Variants in FRMD8 observed in about 807,000 individuals in gnomAD.
The protein encoded by FRMD8 is FERM domain-containing protein 8.
Under a neutral mutation model 54.2 loss-of-function variants are expected in FRMD8, and 37 were observed. The ratio of observed to expected loss-of-function variants is 0.68; its 90% CI spans 0.53 to 0.90. The LOEUF (loss-of-function observed/expected upper bound fraction) is 0.90. FRMD8 is among the 40% of genes least tolerant of loss of function. FRMD8 has a pLI of 0.00. For synonymous variants in FRMD8, 246 were observed against 286.9 expected (o/e 0.86, Z 1.44); for missense variants, 585 against 653.7 (o/e 0.89, Z 1.15).
In FRMD8 at chr11:65,404,578, CCTGCTTCTGCCCAT is replaced by C. The variant is rs1856150315; in HGVS notation, c.1072-285_1072-272del. On this transcript the variant is annotated intron_variant, in intron 9 of 10. Transcript: ENST00000317568. The surrounding 1 kb of genome is among the most constrained non-coding windows in gnomAD (Gnocchi z 4.7). ...TGGCTCCCTACCCCCTCCCTCCCCA[CCTGCTTCTGCCCAT>C]GGAGTCAGCCTTCCTGGGCTGTGCC... 6.6e-6 allele frequency among the ~76,000 whole-genome samples: 1 copy of C among 151,790 alleles called. No homozygotes were observed. Among genetic ancestry groups the C allele is most frequent in the Non-Finnish European group, 1.5e-5 (1 of 67,930 alleles).
the FRMD8 span, chr11:65,380,315 A>C: frequency 3.1e-6 from 4 of 1,287,816 alleles, no homozygotes; most frequent in Non-Finnish European, 4.4e-6. Context: ...CCTTCCTGCC[A>C]AGCTCTAGAG....
intron 10 of FRMD8, among the ~76,000 whole-genome samples, chr11:65,410,653 C>T (rs1406182932): frequency 1.3e-5 from 2 of 150,536 alleles, no homozygotes; most frequent in East Asian, 1.9e-4. Flanking sequence ...AGCTGGGCGC[C>T]GTGGCGGGCG....
In FRMD8 at chr11:65,389,462, G is replaced by C. The variant is rs1449890306; in HGVS notation, c.187G>C (p.Glu63Gln). 1 of 1,609,244 alleles carries C rather than the reference G, an allele frequency of 6.2e-7. No homozygotes were observed. The highest frequency in any genetic ancestry group is 8.5e-7 in the Non-Finnish European group (1 of 1,179,962). ...CCATGAGCTGCACCGCGCTGTCCGCGAGGTCCTGCAGCTTCCAGACATCGC... is the reference window on the plus strand; with the variant it reads ...CCATGAGCTGCACCGCGCTGTCCGCCAGGTCCTGCAGCTTCCAGACATCGC... ...SAHELHRAVR[E>Q]VLQLPDIALD... is the part of the protein sequence containing the mutation. The change falls in exon 3 of 11, where the codon GAG (glutamate) becomes CAG (glutamine). Residue 63 changes from glutamate (E) to glutamine (Q), a missense_variant. Physicochemically the swap from Glu to Gln is conservative, Grantham distance 29. Transcript: ENST00000317568.
chr11:65,379,705 C>T, the FRMD8 span: 2 of 1,244,478 alleles, frequency 1.6e-6, no homozygotes, highest in East Asian at 5.0e-5. Context: ...TGGGCTGAGG[C>T]TGCGCCTCTG....
At position 65,404,741 on chromosome 11, in the gene FRMD8, C is replaced by G; in HGVS notation, c.1072-123C>G. On this transcript the variant is annotated intron_variant, in intron 9 of 10. Coordinates refer to ENST00000317568, the MANE Select transcript of FRMD8 (RefSeq NM_031904.5). The surrounding 1 kb of genome is among the most constrained non-coding windows in gnomAD (Gnocchi z 4.7). ...ACCTCCCCTGCCTCCCTGCTCCCTC[C>G]CTCCTGAGTGATGTGTGTCCCCTCC... is the stretch of plus-strand genomic sequence containing the variant. 2 of 770,808 alleles carry G rather than the reference C, an allele frequency of 2.6e-6. No homozygotes were observed. Among genetic ancestry groups the G allele is most frequent in the Non-Finnish European group, 4.2e-6 (2 of 471,570 alleles). The allele number at this position is 770,808 out of a possible 1,614,324, so 47.7% of individuals were successfully genotyped here.
intron 10 of FRMD8, among the ~76,000 whole-genome samples, 179 bp from the exon 11 acceptor site, chr11:65,411,063 C>T (rs1478933646): frequency 2.0e-5 from 3 of 152,168 alleles, no homozygotes; most frequent in African/African-American, 4.8e-5. Flanking sequence ...TGTTAGGGAG[C>T]GCTGCTTGGG....
intron 10 of FRMD8, among the ~76,000 whole-genome samples, chr11:65,406,501 T>C (rs181990701): frequency 8.2e-4 from 112 of 136,628 alleles, no homozygotes; most frequent in African/African-American, 2.9e-3. Context: ...GCCCTAATTT[T>C]TTGTTTTTAG....
At chr11:65,390,648 A>G (rs1322517547) in intron 3 of FRMD8, among the ~76,000 whole-genome samples, 2 of 144,154 alleles carry the variant, frequency 1.4e-5, no homozygotes, top group African/African-American at 5.2e-5. Context: ...CTCCTCGGCC[A>G]CCTCATGCCC....
rs1056394352 is a variant in FRMD8 at position 65,402,867 on chromosome 11, A to G, written c.1072-1997A>G. Among the ~76,000 whole-genome samples the G allele has an allele frequency of 3.3e-5, 5 of 150,740 alleles. No homozygotes were observed. In the East Asian group the frequency reaches 5.8e-4, roughly 18 times the overall value. ...GTAAATGGCACTGTTTTTAATTTCA[A>G]TTTCCAATTGATCATTTCCTTATAT... is the stretch of plus-strand genomic sequence containing the variant. On this transcript the variant is annotated intron_variant, in intron 9 of 10. Transcript: ENST00000317568.
chr11:65,406,927 C>T (rs1056911291), intron 10 of FRMD8, among the ~76,000 whole-genome samples: 3 of 150,828 alleles, frequency 2.0e-5, no homozygotes, highest in South Asian at 2.1e-4. Flanking sequence ...GCAACAAGAA[C>T]GAAACTCCGT....
chr11:65,399,676 G>A (rs1427526069), intron 7 of FRMD8, 60 bp from the exon 8 acceptor site: 5 of 1,587,056 alleles, frequency 3.2e-6, no homozygotes, highest in Admixed American at 1.8e-5. Flanking sequence ...TTGGGGCCTC[G>A]AGCAGCCTCC....
intron 7 of FRMD8, among the ~76,000 whole-genome samples, 154 bp from the exon 8 acceptor site, chr11:65,399,582 C>T (rs902597619): frequency 1.3e-5 from 2 of 152,204 alleles, no homozygotes; most frequent in African/African-American, 4.8e-5. Context: ...CCCTACGAAG[C>T]CTCCCCTTCA....
intron 2 of FRMD8, 102 bp from the exon 3 acceptor site, chr11:65,389,259 G>A (rs1289871153): frequency 1.8e-6 from 2 of 1,140,198 alleles, no homozygotes; most frequent in African/African-American, 1.5e-5. Context: ...GGGGTGTAGG[G>A]TGGGGGCTCC....
rs775747938 is a variant in FRMD8 at position 65,393,496 on chromosome 11, G to T, written c.254-77G>T. On this transcript the variant is annotated intron_variant, in intron 3 of 10. Transcript: ENST00000317568. ...TATTGGTTGCGACTGTCGTCATGCT[G>T]TGCGGTGTGATAGGTGGAAGGGCAG... 9.4e-6 allele frequency: 10 copies of T among 1,066,954 alleles called. No individual in the cohort carries two copies. The East Asian group carries it at 2.1e-4, about 23-fold the overall frequency. The allele number at this position is 1,066,954 out of a possible 1,614,324, so 66.1% of individuals were successfully genotyped here.
the FRMD8 span, chr11:65,380,095 A>AG: frequency 6.2e-7 from 1 of 1,604,216 alleles, no homozygotes; most frequent in Non-Finnish European, 8.5e-7. Context: ...GGGTCAGGTG[A>AG]GATCTTTCAT....
At chr11:65,368,221 A>G in the FRMD8 span, among the ~76,000 whole-genome samples, 1 of 151,602 alleles carries the variant, frequency 6.6e-6, no homozygotes, top group Non-Finnish European at 1.5e-5. Context: ...GACTACAGGC[A>G]TGCACCACCG....
the FRMD8 span, chr11:65,377,372 T>C: frequency 4.0e-6 from 5 of 1,251,748 alleles, no homozygotes; most frequent in Non-Finnish European, 5.0e-6. Context: ...CTGGATTCTT[T>C]TTGCAGGAGC....
At chr11:65,381,993 A>G, upstream of FRMD8, 1 of 1,546,780 alleles carries the variant, frequency 6.5e-7, no homozygotes, top group Non-Finnish European at 8.9e-7. Context: ...CAGAGGAGAC[A>G]GAGTTGAATT....
the FRMD8 span, among the ~76,000 whole-genome samples, chr11:65,370,375 A>G: frequency 6.6e-6 from 1 of 151,004 alleles, no homozygotes; most frequent in Non-Finnish European, 1.5e-5. Flanking sequence ...ACTGAGGAGC[A>G]GGGAGACTTG....
Sources: allele counts gnomAD v4.1 joint callset (sites outside exome capture counted in the v4.1 genomes callset), GRCh38; gene constraint gnomAD v4.1.1; non-coding constraint Gnocchi (gnomAD v3.1); transcripts MANE v1.5; gene names NCBI Gene and HGNC (gene_info 2026-07-23, HGNC 2026-07-21).